POC5: variants seen among roughly 807,000 people sequenced by gnomAD.
POC5 encodes the protein centrosomal protein POC5.
POC5 carries 48 observed loss-of-function variants against 62.9 expected under a neutral mutation model. The ratio of observed to expected loss-of-function variants is 0.76; its 90% CI spans 0.61 to 0.97. The LOEUF (loss-of-function observed/expected upper bound fraction) is 0.97. Among genes scored for constraint, POC5 ranks in the 50% least tolerant of loss-of-function variants. The probability of loss-of-function intolerance (pLI) is 0.00; values close to 1 mark genes in which losing one functional copy is unlikely to be tolerated. For synonymous variants in POC5, 236 were observed against 228.2 expected (o/e 1.03, Z -0.31); for missense variants, 696 against 679.5 (o/e 1.02, Z -0.27).
At position 75,694,663 on chromosome 5, in the gene POC5, T is replaced by C. The variant is rs934400684; in HGVS notation, c.682A>G (p.Lys228Glu). 3 of 1,531,282 alleles carry C rather than the reference T, an allele frequency of 2.0e-6. No homozygotes were observed. The African/African-American group carries it at 4.3e-5, about 22-fold the overall frequency. 94.9% of individuals were successfully genotyped at this position (1,531,282 alleles called of 1,614,324 possible). ...AATATAAAAAAGAAGACCTCATCTTTTCTCCCAATGGAGATTTCAAAGGTT... is the reference window on the plus strand; with the variant it reads ...AATATAAAAAAGAAGACCTCATCTTCTCTCCCAATGGAGATTTCAAAGGTT... ...QKTFEISIGR[K>E]DEVISSLSHA... Residue 228 changes from lysine to glutamate, a missense_variant, in exon 6 of 12, where the codon AAA becomes GAA. Coordinates refer to ENST00000428202, the MANE Select transcript of POC5 (RefSeq NM_001099271.2).
At chr5:75,684,712 C>T (rs947668388) in intron 10 of POC5, among the ~76,000 whole-genome samples, 7 of 152,052 alleles carry the variant, frequency 4.6e-5, no homozygotes, top group African/African-American at 1.4e-4. Context: ...TTAATTATCA[C>T]TACTATGACA....
At chr5:75,709,722 C>G (rs183475635) in intron 2 of POC5, 1 of 152,236 alleles carries the variant, frequency 6.6e-6, no homozygotes, top group East Asian at 1.9e-4. Context: ...AAAAGAAATT[C>G]CCAAAGAGCT....
At chr5:75,678,164 AT>A (rs1775745032) in intron 10 of POC5, among the ~76,000 whole-genome samples, 1 of 152,184 alleles carries the variant, frequency 6.6e-6, no homozygotes, top group African/African-American at 2.4e-5. Context: ...CAACGATTTT[AT>A]AAGATTTTAG....
chr5:75,696,237 T>A (rs1580029811), intron 5 of POC5: 1 of 153,164 alleles, frequency 6.5e-6, no homozygotes, highest in Non-Finnish European at 1.5e-5. Context: ...TGCCTGCCTC[T>A]GTAGGCTCCA....
At chr5:75,691,701 T>C (rs1179251097) in intron 7 of POC5, among the ~76,000 whole-genome samples, 2 of 144,220 alleles carry the variant, frequency 1.4e-5, no homozygotes, top group Non-Finnish European at 3.1e-5. Flanking sequence ...TGAATATACA[T>C]GGAAAGCATA....
At chr5:75,686,821 A>G (rs1776112886) in intron 9 of POC5, among the ~76,000 whole-genome samples, 1 of 152,144 alleles carries the variant, frequency 6.6e-6, no homozygotes, top group African/African-American at 2.4e-5. Context: ...GCACAGTAAA[A>G]TTGGCAGATA....
In POC5 at chr5:75,689,079, A is replaced by T; in HGVS notation, c.1062T>A (p.Ala354=). 1 of 1,604,144 alleles carries T rather than the reference A, an allele frequency of 6.2e-7. No homozygotes were observed. The highest frequency in any genetic ancestry group is 8.5e-7 in the Non-Finnish European group (1 of 1,175,024). ...KEHFEDSMKK[A]FMRGVCALNL... is the part of the protein sequence containing the mutation. ...TTAATGCACATACACCCCTCATGAA[A>T]GCTTTTTTCATGGAATCTTCAAAGT... The change falls in exon 9 of 12, where the codon GCT becomes GCA. Residue 354 remains alanine, a synonymous_variant. Coordinates refer to ENST00000428202, the MANE Select transcript of POC5 (RefSeq NM_001099271.2).
At chr5:75,689,541 T>C (rs769694388) in intron 8 of POC5, 113 of 983,092 alleles carry the variant, frequency 1.1e-4, no homozygotes, top group Non-Finnish European at 1.3e-4. Context: ...TAAAATAAAC[T>C]ACATGCCTGC....
intron 6 of POC5, among the ~76,000 whole-genome samples, chr5:75,693,558 C>T: frequency 6.6e-6 from 1 of 152,116 alleles, no homozygotes; most frequent in South Asian, 2.1e-4. Context: ...AAAAATTAAA[C>T]TTAAAAACCA....
Position 75,685,216 on chromosome 5 carries a change from T to G in POC5, c.1398A>C (p.Ser466=). 1 of 1,611,112 alleles carries G rather than the reference T, an allele frequency of 6.2e-7. No individual in the cohort carries two copies. ...TATAAACTGTACTAACCATTTCTTC[T>G]GATGCAGCAGTAGCTGCAGATCCTG... ...LGAGSAATAA[S]EEMYVPRVVT... Residue 466 remains serine (S), a synonymous_variant, in exon 10 of 12, where the codon TCA becomes TCC. Transcript: ENST00000428202.
At chr5:75,707,479 A>C (rs747146941) in intron 3 of POC5, 3 of 312,852 alleles carry the variant, frequency 9.6e-6, no homozygotes, top group Non-Finnish European at 1.8e-5. Flanking sequence ...AAAGCCATGC[A>C]GTTGCCATAG....
At chr5:75,711,195 A>G (rs1293256537) in intron 2 of POC5, among the ~76,000 whole-genome samples, 1 of 152,224 alleles carries the variant, frequency 6.6e-6, no homozygotes, top group Non-Finnish European at 1.5e-5. Flanking sequence ...TAAAATTAAG[A>G]ATCAAAATAA....
At position 75,677,345 on chromosome 5, in the gene POC5, T is replaced by A. The variant is rs1234387301; in HGVS notation, c.1584+429A>T. Among the ~76,000 whole-genome samples the A allele has an allele frequency of 9.9e-5, 15 of 152,174 alleles. 1 individual carries two copies. Among genetic ancestry groups the A allele is most frequent in the Admixed American group, 7.9e-4 (12 of 15,262 alleles). On this transcript the variant is annotated intron_variant, in intron 11 of 11. Coordinates refer to ENST00000428202, the MANE Select transcript of POC5 (RefSeq NM_001099271.2). Reference sequence around the variant, plus strand: ...ACTGAAAAAAGGGGAAGACTTTTTTTAAAAAAGGACCAAAAATTAAAAACT... The same window carrying A: ...ACTGAAAAAAGGGGAAGACTTTTTTAAAAAAAGGACCAAAAATTAAAAACT...
intron 8 of POC5, chr5:75,689,391 G>A (rs1379582539): frequency 1.0e-6 from 1 of 985,036 alleles, no homozygotes. Context: ...TCAAACAAGG[G>A]GAATTTTATC....
rs1455559146 is a variant in POC5 at position 75,692,446 on chromosome 5, T to C, written c.745A>G (p.Met249Val). The change falls in exon 7 of 12, where the codon ATG (methionine) becomes GTG (valine). Residue 249 changes from methionine to valine, a missense_variant. Physicochemically the swap from Met to Val is conservative, Grantham distance 21. Transcript: ENST00000428202. ...ATTCGCCAGTGGAAGAATGTTCTCATCAACTCTATCTTTTCCTTTTGCTTG... is the reference window on the plus strand; with the variant it reads ...ATTCGCCAGTGGAAGAATGTTCTCACCAACTCTATCTTTTCCTTTTGCTTG... The part of the protein sequence containing the change: ...IGKQKEKIEL[M>V]RTFFHWRIGH... 6.3e-7 allele frequency: 1 copy of C among 1,598,914 alleles called. No individual in the cohort carries two copies. Among genetic ancestry groups the C allele is most frequent in the Non-Finnish European group, 8.5e-7 (1 of 1,172,236 alleles).
chr5:75,687,959 T>G (rs1439452468), intron 9 of POC5, among the ~76,000 whole-genome samples: 2 of 152,180 alleles, frequency 1.3e-5, no homozygotes, highest in African/African-American at 2.4e-5. Context: ...AGTACTCACC[T>G]AGGTATTACC....
chr5:75,686,417 A>G lies in POC5; in HGVS notation c.1130-933T>C, dbSNP rs200181347. 4.6e-5 allele frequency among the ~76,000 whole-genome samples: 7 copies of G among 152,350 alleles called. No homozygotes were observed. The East Asian group carries it at 1.3e-3, about 29-fold the overall frequency. On this transcript the variant is annotated intron_variant, in intron 9 of 11. Coordinates refer to ENST00000428202, the MANE Select transcript of POC5 (RefSeq NM_001099271.2). Reference sequence around the variant, plus strand: ...TCCCTCCAGAAATTTGGGCCTCTGCATAAGTCCTTTCCTTAGACTATCTGT... The same window carrying G: ...TCCCTCCAGAAATTTGGGCCTCTGCGTAAGTCCTTTCCTTAGACTATCTGT...
intron 8 of POC5, chr5:75,689,650 G>A (rs774826615): frequency 1.0e-6 from 1 of 985,184 alleles, no homozygotes; most frequent in Admixed American, 6.2e-5. Flanking sequence ...CAAACCTCAG[G>A]GGACTGCATT....
chr5:75,674,588 C>T lies in POC5; in HGVS notation c.1585-10G>A, dbSNP rs777092634. 2 of 1,613,020 alleles carry T rather than the reference C, an allele frequency of 1.2e-6. No individual in the cohort carries two copies. Among genetic ancestry groups the T allele is most frequent in the Admixed American group, 1.7e-5 (1 of 59,896 alleles). ...CTTGAGGAATGGTTTGCTGAAAAGACAAAATTCTGCTTTAATAATATCCCA... is the reference window on the plus strand; with the variant it reads ...CTTGAGGAATGGTTTGCTGAAAAGATAAAATTCTGCTTTAATAATATCCCA... On this transcript the variant is annotated splice_polypyrimidine_tract_variant and intron_variant, in intron 11 of 11. Coordinates refer to ENST00000428202, the MANE Select transcript of POC5 (RefSeq NM_001099271.2).
Sources: allele counts gnomAD v4.1 joint callset (sites outside exome capture counted in the v4.1 genomes callset), GRCh38; gene constraint gnomAD v4.1.1; transcripts MANE v1.5; gene names NCBI Gene and HGNC (gene_info 2026-07-23, HGNC 2026-07-21).